CERS6: variants seen among roughly 807,000 people sequenced by gnomAD.
CERS6 encodes the protein ceramide synthase 6.
A neutral mutation model predicts 56.8 loss-of-function variants in CERS6; 26 were observed. The ratio of observed to expected loss-of-function variants is 0.46; its 90% CI spans 0.34 to 0.63. CERS6 has a LOEUF of 0.63. Ranked by LOEUF, CERS6 falls within the 30% of genes least tolerant of loss-of-function variation. The probability of loss-of-function intolerance (pLI) is 0.01; values close to 1 mark genes in which losing one functional copy is unlikely to be tolerated. For synonymous variants in CERS6, 164 were observed against 173.3 expected (o/e 0.95, Z 0.42); for missense variants, 415 against 467.5 (o/e 0.89, Z 1.04).
intron 1 of CERS6, among the ~76,000 whole-genome samples, chr2:168,511,231 A>G (rs544659488): frequency 6.6e-6 from 1 of 152,198 alleles, no homozygotes; most frequent in South Asian, 2.1e-4. Context: ...TTAATTCTAC[A>G]TTTTGTTAGA....
chr2:168,498,722 G>T (rs1256826929), intron 1 of CERS6, among the ~76,000 whole-genome samples: 1 of 152,232 alleles, frequency 6.6e-6, no homozygotes, highest in Non-Finnish European at 1.5e-5. Flanking sequence ...GCCGTGGCTG[G>T]TGGTCTCTTA....
intron 8 of CERS6, among the ~76,000 whole-genome samples, chr2:168,744,806 A>AT (rs1684051597): frequency 1.3e-5 from 2 of 152,328 alleles, no homozygotes; most frequent in South Asian, 2.1e-4. Flanking sequence ...AAAGTTAGAG[A>AT]TTTTTTAAAA....
At chr2:168,461,955 T>C (rs1693787516) in intron 1 of CERS6, among the ~76,000 whole-genome samples, 1 of 152,214 alleles carries the variant, frequency 6.6e-6, no homozygotes, top group African/African-American at 2.4e-5. Flanking sequence ...GTGAGTTTCC[T>C]CCATCAGCAT....
intron 1 of CERS6, among the ~76,000 whole-genome samples, chr2:168,478,104 T>G (rs1159730031): frequency 7.2e-5 from 11 of 152,084 alleles, no homozygotes; most frequent in Admixed American, 2.0e-4. Context: ...TTTTTTTTGT[T>G]TGTTTGCTTT....
intron 1 of CERS6, among the ~76,000 whole-genome samples, chr2:168,484,416 G>A (rs1337220700): frequency 6.6e-6 from 1 of 151,614 alleles, no homozygotes; most frequent in Non-Finnish European, 1.5e-5. Context: ...CCCGACCTCA[G>A]GTGATCCACT....
At chr2:168,730,989 A>G (rs1021285397) in intron 8 of CERS6, among the ~76,000 whole-genome samples, 7 of 152,228 alleles carry the variant, frequency 4.6e-5, no homozygotes, top group Non-Finnish European at 1.0e-4. Flanking sequence ...TTCTGCATAC[A>G]TTCCATATAA....
At chr2:168,573,676 T>G (rs1683174373) in intron 3 of CERS6, among the ~76,000 whole-genome samples, 1 of 151,970 alleles carries the variant, frequency 6.6e-6, no homozygotes, top group Non-Finnish European at 1.5e-5. Context: ...TGGTGCTCAT[T>G]ATCAGTGGAA....
At position 168,660,159 on chromosome 2, in the gene CERS6, G is replaced by A. The variant is rs975040689; in HGVS notation, c.465+29117G>A. ...ACAACGTTCAACAGATATCTATTGAGCGGCCTGTATGTAGGGGCTCTGGGT... is the reference window on the plus strand; with the variant it reads ...ACAACGTTCAACAGATATCTATTGAACGGCCTGTATGTAGGGGCTCTGGGT... On this transcript the variant is annotated intron_variant, in intron 4 of 9. Coordinates refer to ENST00000305747, the MANE Select transcript of CERS6 (RefSeq NM_203463.3). Among the ~76,000 whole-genome samples the A allele has an allele frequency of 2.6e-5, 4 of 152,280 alleles. No homozygotes were observed. The South Asian group carries it at 8.3e-4, about 32-fold the overall frequency.
At chr2:168,604,605 T>C (rs1283844592) in intron 3 of CERS6, among the ~76,000 whole-genome samples, 1 of 152,196 alleles carries the variant, frequency 6.6e-6, no homozygotes, top group Non-Finnish European at 1.5e-5. Context: ...TTCTCATGGT[T>C]TAACATCATC....
rs148169129 is a variant in CERS6 at position 168,664,713 on chromosome 2, T to G, written c.466-26321T>G. On this transcript the variant is annotated intron_variant, in intron 4 of 9. Transcript: ENST00000305747. ...AGCAGTGAGGATGCCCAGAGGTCAC[T>G]CTCATCACCATTTTGGCTTTGGTGG... Among the ~76,000 whole-genome samples the G allele has an allele frequency of 7.3e-3, 1,116 of 152,290 alleles. 13 individuals carry two copies. The highest frequency in any genetic ancestry group is 0.024 in the African/African-American group (1,014 of 41,564).
intron 8 of CERS6, among the ~76,000 whole-genome samples, chr2:168,729,605 G>T (rs1683460427): frequency 6.6e-6 from 1 of 152,162 alleles, no homozygotes; most frequent in Non-Finnish European, 1.5e-5. Context: ...ATCCCAGAGT[G>T]CAGGGCTCTG....
intron 2 of CERS6, among the ~76,000 whole-genome samples, chr2:168,556,071 A>T (rs2105377801): frequency 6.6e-6 from 1 of 152,254 alleles, no homozygotes; most frequent in East Asian, 1.9e-4. Flanking sequence ...ATGTCATCTC[A>T]TAAAAAATTC....
chr2:168,542,884 A>G (rs1695398261), intron 1 of CERS6, among the ~76,000 whole-genome samples: 1 of 151,962 alleles, frequency 6.6e-6, no homozygotes. Flanking sequence ...TTTAGTAGAG[A>G]TGGGGTTTCA....
At chr2:168,692,958 A>G (rs773038183) in intron 5 of CERS6, among the ~76,000 whole-genome samples, 5 of 152,174 alleles carry the variant, frequency 3.3e-5, no homozygotes, top group Admixed American at 6.5e-5. Context: ...AATCGAACAG[A>G]CATTTAGGTG....
chr2:168,532,049 A>G (rs1695178020), intron 1 of CERS6, among the ~76,000 whole-genome samples: 4 of 152,202 alleles, frequency 2.6e-5, no homozygotes, highest in Admixed American at 2.6e-4. Context: ...CTGCTTTCCA[A>G]CAATCTAGGC....
rs187090792 is a variant in CERS6, at chr2:168,472,345, C to T, written c.170+15727C>T. Reference sequence around the variant, plus strand: ...CAAGGATCAGAACATTACTGGTACCCCAGAAGCTTTAAAAACCGTTTGCAG... The same window carrying T: ...CAAGGATCAGAACATTACTGGTACCTCAGAAGCTTTAAAAACCGTTTGCAG... On this transcript the variant is annotated intron_variant, in intron 1 of 9. Coordinates refer to ENST00000305747, the MANE Select transcript of CERS6 (RefSeq NM_203463.3). Among the ~76,000 whole-genome samples the T allele has an allele frequency of 4.6e-5, 7 of 152,178 alleles. No homozygotes were observed. In the East Asian group the frequency reaches 1.3e-3, roughly 29 times the overall value.
At chr2:168,654,515 C>T (rs1685422186) in intron 4 of CERS6, among the ~76,000 whole-genome samples, 3 of 152,114 alleles carry the variant, frequency 2.0e-5, no homozygotes, top group Admixed American at 2.0e-4. Context: ...TGCACTCCAG[C>T]CTGGGTGACA....
chr2:168,550,922 G>T (rs1042511981), intron 2 of CERS6, among the ~76,000 whole-genome samples: 1 of 152,214 alleles, frequency 6.6e-6, no homozygotes, highest in African/African-American at 2.4e-5. Context: ...TGGGGAGACA[G>T]GGAGGCTGGT....
At chr2:168,696,871 C>G (rs569160912) in intron 6 of CERS6, among the ~76,000 whole-genome samples, 2 of 152,262 alleles carry the variant, frequency 1.3e-5, no homozygotes, top group East Asian at 3.9e-4. Flanking sequence ...AAGATATGTT[C>G]GCCTTTGCAC....
Sources: gnomAD v4.1 joint callset for allele counts (sites outside exome capture counted in the v4.1 genomes callset) on GRCh38, gnomAD v4.1.1 for gene constraint, MANE v1.5 for transcripts, NCBI Gene and HGNC (gene_info 2026-07-23, HGNC 2026-07-21) for gene names.